The following ALCAM variants were observed in gnomAD, a reference collection of about 807,000 sequenced individuals.
ALCAM encodes CD166 antigen.
Under a neutral mutation model 70.9 loss-of-function variants are expected in ALCAM, and 30 were observed. The ratio of observed to expected loss-of-function variants is 0.42; its 90% CI spans 0.32 to 0.57. The LOEUF (loss-of-function observed/expected upper bound fraction) is 0.57. Ranked by LOEUF, ALCAM falls within the 20% of genes least tolerant of loss-of-function variation. The probability of loss-of-function intolerance (pLI) is 0.11; values close to 1 mark genes in which losing one functional copy is unlikely to be tolerated. For missense variants in ALCAM, 591 were observed against 695.1 expected (o/e 0.85, Z 1.68); for synonymous variants, 249 against 242.5 (o/e 1.03, Z -0.25).
intron 1 of ALCAM, among the ~76,000 whole-genome samples, chr3:105,448,426 A>G (rs1382945438): frequency 6.6e-6 from 1 of 151,738 alleles, no homozygotes; most frequent in Non-Finnish European, 1.5e-5. Flanking sequence ...CACTCCAGTA[A>G]TCTTTCGAAT....
At position 105,372,828 on chromosome 3, in the gene ALCAM, T is replaced by C. The variant is rs193125872; in HGVS notation, c.73+5347T>C. On this transcript the variant is annotated intron_variant, in intron 1 of 15. Coordinates refer to ENST00000306107, the MANE Select transcript of ALCAM (RefSeq NM_001627.4). ...AACTGATGCAAAATCTTGGCCCAAG[T>C]AAGACTAAAAACATCTATGAGATGA... Among the ~76,000 whole-genome samples, 20 of 152,244 alleles carry C rather than the reference T, an allele frequency of 1.3e-4. 1 individual carries two copies. Among genetic ancestry groups the C allele is most frequent in the South Asian group, 6.2e-4 (3 of 4,830 alleles).
intron 1 of ALCAM, among the ~76,000 whole-genome samples, chr3:105,422,694 T>C (rs529713874): frequency 1.1e-4 from 16 of 151,576 alleles, no homozygotes; most frequent in Admixed American, 5.3e-4. Flanking sequence ...AATAATAAGA[T>C]AGAACAGCTT....
intron 1 of ALCAM, among the ~76,000 whole-genome samples, chr3:105,484,972 C>T (rs1938384254): frequency 6.6e-6 from 1 of 151,904 alleles, no homozygotes; most frequent in African/African-American, 2.4e-5. Flanking sequence ...GGAAATAATA[C>T]AAATCTTGAA....
intron 1 of ALCAM, among the ~76,000 whole-genome samples, chr3:105,419,571 G>T (rs1338713267): frequency 2.6e-5 from 4 of 151,688 alleles, no homozygotes; most frequent in African/African-American, 9.7e-5. Flanking sequence ...CAGTCATTTT[G>T]ACAGGGAAAG....
chr3:105,548,711 G>C (rs981964853), intron 11 of ALCAM, among the ~76,000 whole-genome samples: 6 of 151,408 alleles, frequency 4.0e-5, no homozygotes, highest in Non-Finnish European at 8.9e-5. Context: ...CAGTAAGAAA[G>C]CATATAAGAG....
chr3:105,400,183 C>G (rs891997400), intron 1 of ALCAM, among the ~76,000 whole-genome samples: 1 of 151,958 alleles, frequency 6.6e-6, no homozygotes, highest in Non-Finnish European at 1.5e-5. Flanking sequence ...GCAGATAGCC[C>G]TTGTTTGGGT....
intron 1 of ALCAM, among the ~76,000 whole-genome samples, chr3:105,461,056 T>C (rs1937596985): frequency 1.3e-5 from 2 of 151,526 alleles, no homozygotes; most frequent in Non-Finnish European, 3.0e-5. Flanking sequence ...GGGGTGAATG[T>C]ATTACTATGA....
intron 14 of ALCAM, among the ~76,000 whole-genome samples, chr3:105,556,304 C>T (rs1332845727): frequency 6.6e-6 from 1 of 151,986 alleles, no homozygotes; most frequent in East Asian, 1.9e-4. Flanking sequence ...ATTTAAGAGA[C>T]TCTGACCTCC....
chr3:105,554,780 A>C (rs1199449966), intron 14 of ALCAM, among the ~76,000 whole-genome samples: 1 of 151,934 alleles, frequency 6.6e-6, no homozygotes, highest in Non-Finnish European at 1.5e-5. Context: ...CCTGATATCA[A>C]ATCTTATCCT....
chr3:105,525,122 A>G, intron 3 of ALCAM: 2 of 981,580 alleles, frequency 2.0e-6, no homozygotes, highest in Non-Finnish European at 2.4e-6. Context: ...TAGATTTCAA[A>G]AAGTATTCAC....
At chr3:105,406,352 T>C (rs1315728932) in intron 1 of ALCAM, among the ~76,000 whole-genome samples, 2 of 152,182 alleles carry the variant, frequency 1.3e-5, no homozygotes, top group African/African-American at 4.8e-5. Flanking sequence ...CTTCGTTATT[T>C]TGTCATGCTT....
chr3:105,534,837 A>G lies in ALCAM; in HGVS notation c.722A>G (p.Asp241Gly), dbSNP rs1559825257. 3 of 1,609,478 alleles carry G rather than the reference A, an allele frequency of 1.9e-6. No individual in the cohort carries two copies. Among genetic ancestry groups the G allele is most frequent in the East Asian group, 2.2e-5 (1 of 44,838 alleles). Reference sequence around the variant, plus strand: ...ATTCATTCTGAACAGGCAGTATTTGATATTTACTGTAAGTAATTCAATATA... The same window carrying G: ...ATTCATTCTGAACAGGCAGTATTTGGTATTTACTGTAAGTAATTCAATATA... ...KTIHSEQAVF[D>G]IYYPTEQVTI... Residue 241 changes from aspartate to glycine, a missense_variant, in exon 6 of 16, where the codon GAT (aspartate) becomes GGT (glycine). Physicochemically the swap from Asp to Gly is moderately conservative, Grantham distance 94. This residue lies in a region of ALCAM where 427 missense variants were observed against 450.4 expected (regional missense o/e 0.95). Coordinates refer to ENST00000306107, the MANE Select transcript of ALCAM (RefSeq NM_001627.4).
At chr3:105,386,289 CTT>C (rs1174288500) in intron 1 of ALCAM, among the ~76,000 whole-genome samples, 4 of 151,568 alleles carry the variant, frequency 2.6e-5, no homozygotes, top group Admixed American at 6.6e-5. Flanking sequence ...AGTAAAATGT[CTT>C]TTGTTAGAAC....
In ALCAM at chr3:105,532,007, C is replaced by A; in HGVS notation, c.400C>A (p.Pro134Thr). Reference protein sequence around the residue: ...APTIVKVFKQPSKPEIVSKAL... With the variant: ...APTIVKVFKQTSKPEIVSKAL... ...CTTTCTCTGCTTAACTTTAGAGCAA[C>A]CATCTAAACCTGAAATTGTAAGCAA... Residue 134 changes from proline (P) to threonine (T), a missense_variant, in exon 4 of 16, where the codon CCA (proline) becomes ACA (threonine). Transcript: ENST00000306107. 1 of 1,612,992 alleles carries A rather than the reference C, an allele frequency of 6.2e-7. No individual in the cohort carries two copies. The highest frequency in any genetic ancestry group is 8.5e-7 in the Non-Finnish European group (1 of 1,179,500).
chr3:105,490,232 A>C (rs1361732776), intron 1 of ALCAM, among the ~76,000 whole-genome samples: 1 of 152,196 alleles, frequency 6.6e-6, no homozygotes, highest in African/African-American at 2.4e-5. Context: ...TCTAAATACC[A>C]ACTGTTTGAA....
intron 1 of ALCAM, among the ~76,000 whole-genome samples, chr3:105,397,192 G>T (rs1260395158): frequency 3.3e-5 from 5 of 151,976 alleles, no homozygotes; most frequent in Non-Finnish European, 5.9e-5. Context: ...CTTGGCATTT[G>T]TTCCCTTATC....
chr3:105,469,324 T>A (rs1937850824), intron 1 of ALCAM, among the ~76,000 whole-genome samples: 1 of 151,216 alleles, frequency 6.6e-6, no homozygotes, highest in Non-Finnish European at 1.5e-5. Flanking sequence ...TGCTAGATAT[T>A]AGGTAGAGTT....
At chr3:105,435,827 G>T (rs1397043461) in intron 1 of ALCAM, among the ~76,000 whole-genome samples, 2 of 151,926 alleles carry the variant, frequency 1.3e-5, no homozygotes, top group Non-Finnish European at 2.9e-5. Flanking sequence ...GTCTCGCTCT[G>T]TCGCCCAGGC....
intron 1 of ALCAM, among the ~76,000 whole-genome samples, chr3:105,421,932 C>G (rs1479019445): frequency 6.6e-6 from 1 of 150,950 alleles, no homozygotes; most frequent in Non-Finnish European, 1.5e-5. Context: ...TTTAGTGAAC[C>G]AGTCAGCCAA....
Sources: gnomAD v4.1 joint callset for allele counts (sites outside exome capture counted in the v4.1 genomes callset) on GRCh38, gnomAD v4.1.1 for gene constraint, gnomAD v4.1.1 regional missense constraint, MANE v1.5 for transcripts, NCBI Gene and HGNC (gene_info 2026-07-23, HGNC 2026-07-21) for gene names.